Variants in UGT1A5 observed in about 807,000 individuals in gnomAD.
UGT1A5 encodes the protein UDP-glucuronosyltransferase 1A5.
A neutral mutation model predicts 40.3 loss-of-function variants in UGT1A5; 29 were observed. That is an observed-to-expected ratio of 0.72 (90% CI 0.54 to 0.98). The LOEUF is 0.98. UGT1A5 is among the 50% of genes least tolerant of loss of function. UGT1A5 has a pLI of 0.00. For synonymous variants in UGT1A5, 257 were observed against 262.5 expected (o/e 0.98, Z 0.20); for missense variants, 678 against 677.9 (o/e 1.00, Z 0.00).
chr2:233,715,086 A>G (rs1197035680), intron 1 of UGT1A5, among the ~76,000 whole-genome samples: 1 of 152,066 alleles, frequency 6.6e-6, no homozygotes, highest in Non-Finnish European at 1.5e-5. Flanking sequence ...GAGTTTCATC[A>G]TATTGGCCAG....
intron 1 of UGT1A5, chr2:233,747,357 C>A (rs115834808): frequency 9.4e-6 from 15 of 1,602,522 alleles, no homozygotes; most frequent in East Asian, 2.2e-5. Context: ...GGAGGCCGTG[C>A]GGGAGCTCCA....
chr2:233,769,536 A>G lies in UGT1A5; in HGVS notation c.1307+1097A>G. On this transcript the variant is annotated intron_variant, in intron 4 of 4. Transcript: ENST00000373414. This position sits in a 1 kb window ranked among gnomAD's most constrained non-coding sequence, Gnocchi z 4.4. Reference sequence around the variant, plus strand: ...CCCATGGTTACCTCCTTTAGAAAGAAGCAGCAGTCAGGAAGACAGATGTGA... The same window carrying G: ...CCCATGGTTACCTCCTTTAGAAAGAGGCAGCAGTCAGGAAGACAGATGTGA... 6.2e-7 allele frequency: 1 copy of G among 1,612,938 alleles called. No homozygotes were observed. The highest frequency in any genetic ancestry group is 8.5e-7 in the Non-Finnish European group (1 of 1,179,892).
chr2:233,762,371 A>G (rs1296982558), intron 1 of UGT1A5, among the ~76,000 whole-genome samples: 2 of 152,236 alleles, frequency 1.3e-5, no homozygotes, highest in Non-Finnish European at 2.9e-5. Flanking sequence ...TTACATACCA[A>G]TATGTATATA....
chr2:233,725,068 TCGCAGGCAC>T (rs1237971327), intron 1 of UGT1A5, among the ~76,000 whole-genome samples: 1 of 146,188 alleles, frequency 6.8e-6, no homozygotes, highest in South Asian at 2.4e-4. Context: ...GCGCCTGCAA[TCGCAGGCAC>T]TCGGCAGGCT....
Position 233,724,804 on chromosome 2 carries a change from G to A in UGT1A5, c.867+10946G>A, listed in dbSNP as rs1450931342. ...TCACTTCCCAGACGGGGTGGCGGCCGGGCAGAGGCTGCAATCTCGGCACTT... is the reference window on the plus strand; with the variant it reads ...TCACTTCCCAGACGGGGTGGCGGCCAGGCAGAGGCTGCAATCTCGGCACTT... On this transcript the variant is annotated intron_variant, in intron 1 of 4. Coordinates refer to ENST00000373414, the MANE Select transcript of UGT1A5 (RefSeq NM_019078.2). 4.1e-4 allele frequency among the ~76,000 whole-genome samples: 57 copies of A among 138,728 alleles called. 3 individuals are homozygous for A. Among genetic ancestry groups the A allele is most frequent in the Non-Finnish European group, 8.3e-4 (54 of 64,962 alleles). The allele number at this position is 138,728 out of a possible 152,430, so 91.0% of individuals were successfully genotyped here. A position where few individuals can be genotyped will look rare whatever the true frequency, so the allele number is the denominator to read the frequency against.
intron 1 of UGT1A5, chr2:233,729,156 GT>G (rs1390322466): frequency 4.5e-5 from 73 of 1,613,462 alleles, no homozygotes; most frequent in Middle Eastern, 1.7e-4. Flanking sequence ...TTCCCCTGCC[GT>G]GGCTGGCCAC....
intron 1 of UGT1A5, chr2:233,743,145 C>T (rs1174394425): frequency 2.3e-5 from 8 of 355,378 alleles, no homozygotes; most frequent in Admixed American, 7.6e-5. Context: ...AAAAAAAGTC[C>T]GCTATTCCTC....
intron 1 of UGT1A5, chr2:233,754,156 G>C (rs1695408372): frequency 6.5e-6 from 1 of 153,422 alleles, no homozygotes; most frequent in African/African-American, 2.4e-5. Flanking sequence ...AATTAAGCCA[G>C]AGTATTAATA....
At chr2:233,747,138 G>A in intron 1 of UGT1A5, 1 of 1,552,384 alleles carries the variant, frequency 6.4e-7, no homozygotes. Context: ...CAGTGACAAG[G>A]TAATTAAGAT....
chr2:233,768,875 C>T (rs543311550), intron 4 of UGT1A5, among the ~76,000 whole-genome samples: 45 of 152,066 alleles, frequency 3.0e-4, no homozygotes, highest in African/African-American at 8.0e-4. Context: ...TGAGCCAGCG[C>T]GTCTGACCTG....
chr2:233,763,534 C>A (rs545430015), intron 1 of UGT1A5, among the ~76,000 whole-genome samples: 1 of 152,066 alleles, frequency 6.6e-6, no homozygotes, highest in Non-Finnish European at 1.5e-5. Flanking sequence ...CTCCTTTTTC[C>A]GGATTTCTAC....
intron 1 of UGT1A5, among the ~76,000 whole-genome samples, chr2:233,720,871 A>ATTTTTTT (rs60621337): frequency 2.3e-5 from 3 of 132,772 alleles, no homozygotes; most frequent in Admixed American, 7.5e-5. Context: ...GCTCCTGGCA[A>ATTTTTTT]TTTTTTTTTT....
chr2:233,736,852 G>A (rs2078820278), intron 1 of UGT1A5, among the ~76,000 whole-genome samples: 1 of 152,188 alleles, frequency 6.6e-6, no homozygotes, highest in Non-Finnish European at 1.5e-5. Flanking sequence ...AGTGGAGGCT[G>A]CAGAACAGCA....
intron 1 of UGT1A5, among the ~76,000 whole-genome samples, chr2:233,714,471 G>A (rs4663945): frequency 0.089 from 13,512 of 152,132 alleles, 752 homozygotes; most frequent in East Asian, 0.2. Flanking sequence ...ATTGTAATAG[G>A]AGAATGTTTC....
At chr2:233,768,006 T>C in intron 3 of UGT1A5, 70 bp downstream of exon 3, 1 of 1,614,080 alleles carries the variant, frequency 6.2e-7, no homozygotes, top group South Asian at 1.1e-5. Context: ...AGCACAGCTA[T>C]TCTAAAGGAT....
At position 233,769,704 on chromosome 2, in the gene UGT1A5, T is replaced by A; in HGVS notation, c.1307+1265T>A. 6.6e-7 allele frequency: 1 copy of A among 1,519,548 alleles called. No homozygotes were observed. Among genetic ancestry groups the A allele is most frequent in the Non-Finnish European group, 8.8e-7 (1 of 1,132,514 alleles). 94.1% of individuals were successfully genotyped at this position (1,519,548 alleles called of 1,614,324 possible). On this transcript the variant is annotated intron_variant, in intron 4 of 4. Transcript: ENST00000373414. This position sits in a 1 kb window ranked among gnomAD's most constrained non-coding sequence, Gnocchi z 4.4. ...GTGGTGGCACTGGATAAAAGATCAA[T>A]GTTGGCTAGGCACCATGGCACACGC... is the stretch of plus-strand genomic sequence containing the variant.
At chr2:233,726,774 A>G (rs1289365787) in intron 1 of UGT1A5, among the ~76,000 whole-genome samples, 2 of 152,220 alleles carry the variant, frequency 1.3e-5, no homozygotes, top group African/African-American at 4.8e-5. Flanking sequence ...CTAAGCTTAA[A>G]GTGAAACCCA....
At chr2:233,737,500 C>T (rs2078887926) in intron 1 of UGT1A5, among the ~76,000 whole-genome samples, 1 of 152,232 alleles carries the variant, frequency 6.6e-6, no homozygotes, top group South Asian at 2.1e-4. Flanking sequence ...ATCCCTCACC[C>T]TCTTGCACTT....
chr2:233,725,566 C>A (rs559123427), intron 1 of UGT1A5, among the ~76,000 whole-genome samples: 1 of 152,004 alleles, frequency 6.6e-6, no homozygotes, highest in East Asian at 1.9e-4. Flanking sequence ...AACATATATT[C>A]GATATAAGAT....
Sources: gnomAD v4.1 joint callset for allele counts (sites outside exome capture counted in the v4.1 genomes callset) on GRCh38, gnomAD v4.1.1 for gene constraint, Gnocchi (gnomAD v3.1) non-coding constraint, MANE v1.5 for transcripts, NCBI Gene and HGNC (gene_info 2026-07-23, HGNC 2026-07-21) for gene names.